Variants in FRYL observed in about 807,000 individuals in gnomAD.
FRYL encodes protein furry homolog-like.
In FRYL, 150 loss-of-function variants were observed where a neutral mutation model predicts 351.2. The ratio of observed to expected loss-of-function variants is 0.43; its 90% confidence interval spans 0.37 to 0.49. FRYL has a LOEUF of 0.49. Among genes scored for constraint, FRYL ranks in the 20% least tolerant of loss-of-function variants. The pLI, the probability that FRYL is intolerant of heterozygous loss-of-function variation, is 0.00. For synonymous variants in FRYL, 1,153 were observed against 1,257.1 expected, an observed-to-expected ratio of 0.92 and a Z score of 1.75; for missense variants, 3,036 against 3,619.3, an observed-to-expected ratio of 0.84 and a Z score of 4.13.
chr4:48,558,630 AAAAGAAC>A (rs1734683972), intron 33 of FRYL, among the ~76,000 whole-genome samples: 1 of 152,240 alleles, frequency 6.6e-6, no homozygotes, highest in Admixed American at 6.5e-5. Context: ...ATCAAAAGAT[AAAAGAAC>A]ATCTTTATAC....
chr4:48,686,241 G>C (rs1278037896), intron 2 of FRYL, among the ~76,000 whole-genome samples: 1 of 152,066 alleles, frequency 6.6e-6, no homozygotes, highest in Non-Finnish European at 1.5e-5. Context: ...CTTTAGCCAA[G>C]TTAGAAAAAT....
chr4:48,560,920 T>A (rs1453416252), intron 33 of FRYL, among the ~76,000 whole-genome samples: 1 of 152,126 alleles, frequency 6.6e-6, no homozygotes, highest in Non-Finnish European at 1.5e-5. Flanking sequence ...ACAGCAGAAC[T>A]CTGCAATCTC....
chr4:48,557,318 T>C, intron 34 of FRYL, 135 bp downstream of exon 34: 1 of 1,262,070 alleles, frequency 7.9e-7, no homozygotes. Context: ...AAAAAATTCA[T>C]ATCTAATGAG....
intron 13 of FRYL, among the ~76,000 whole-genome samples, chr4:48,600,598 G>C (rs1489369972): frequency 6.6e-6 from 1 of 152,122 alleles, no homozygotes; most frequent in African/African-American, 2.4e-5. Flanking sequence ...AATATGTTAG[G>C]TGAAACGTAT....
chr4:48,554,406 G>A lies in FRYL; in HGVS notation c.4267-1023C>T, dbSNP rs1733610729. On this transcript the variant is annotated intron_variant, in intron 35 of 63. Coordinates refer to ENST00000358350, the MANE Select transcript of FRYL (RefSeq NM_015030.2). ...CAGGCTAGAGTGCAGTGGCACCATC[G>A]TGGCTCACTGCCACCTCTGCCTCCC... Among the ~76,000 whole-genome samples, 3 of 150,986 alleles carry A rather than the reference G, an allele frequency of 2.0e-5. No individual in the cohort carries two copies. In the South Asian group the frequency reaches 6.3e-4, roughly 31 times the overall value.
At chr4:48,506,555 T>TATCA (rs932288135) in intron 59 of FRYL, 4 of 145,114 alleles carry the variant, frequency 2.8e-5, no homozygotes, top group African/African-American at 5.1e-5. Flanking sequence ...AGTTTGATAT[T>TATCA]ATCAGTTGTT....
chr4:48,529,862 T>C (rs1266164878), intron 50 of FRYL, among the ~76,000 whole-genome samples: 1 of 152,190 alleles, frequency 6.6e-6, no homozygotes, highest in African/African-American at 2.4e-5. Context: ...AAGTGAGATT[T>C]TTATTAATAT....
chr4:48,701,975 C>T (rs191255022), intron 2 of FRYL, among the ~76,000 whole-genome samples: 65 of 152,180 alleles, frequency 4.3e-4, no homozygotes, highest in Admixed American at 2.4e-3. Flanking sequence ...AAAGCTGCTT[C>T]AAACAGCAAG....
chr4:48,773,730 A>T (rs886080302), intron 1 of FRYL, among the ~76,000 whole-genome samples: 1 of 152,220 alleles, frequency 6.6e-6, no homozygotes, highest in African/African-American at 2.4e-5. Flanking sequence ...GTTCAAGATC[A>T]GCCTAGGCAA....
rs142975816 is a variant in FRYL, at chr4:48,725,700, C to T, written c.-383-15002G>A. Among the ~76,000 whole-genome samples the T allele has an allele frequency of 8.7e-4, 132 of 152,246 alleles. 2 individuals are homozygous for T. In the East Asian group the frequency reaches 0.021, roughly 24 times the overall value. On this transcript the variant is annotated intron_variant, in intron 1 of 63. Transcript: ENST00000358350. The stretch of plus-strand genomic sequence containing the variant: ...CAGTCTCAGTTATCAGATCCACTCT[C>T]GCAGTATCACAGTGCTTGTGTTCAA...
rs745588719 is a variant in FRYL, at chr4:48,609,008, A to G, written c.551T>C (p.Ile184Thr). The G allele has an allele frequency of 6.2e-6, 10 of 1,609,686 alleles. No homozygotes were observed. Among genetic ancestry groups the G allele is most frequent in the Admixed American group, 1.7e-5 (1 of 59,918 alleles). The change falls in exon 9 of 64, where the codon ATA (isoleucine) becomes ACA (threonine). Residue 184 changes from isoleucine to threonine, a missense_variant. This residue lies in a region of FRYL where 457 missense variants were observed against 566.6 expected (regional missense o/e 0.81). Coordinates refer to ENST00000358350, the MANE Select transcript of FRYL (RefSeq NM_015030.2). ...HIIADLYAEV[I>T]GVLAQSKFQA... ...TTACTTTGATTGGGCAAGAACCCCT[A>G]TCACCTCTGCATATAAATCAGCAAT...
chr4:48,723,579 C>T (rs1356941274), intron 1 of FRYL, among the ~76,000 whole-genome samples: 1 of 152,132 alleles, frequency 6.6e-6, no homozygotes, highest in Non-Finnish European at 1.5e-5. Context: ...TTCTTTCCTT[C>T]ACATCCCCAC....
chr4:48,620,389 T>G (rs969659894), intron 6 of FRYL, among the ~76,000 whole-genome samples: 2 of 152,188 alleles, frequency 1.3e-5, no homozygotes. Flanking sequence ...CTAAATAGGT[T>G]TTTGTATTAC....
At chr4:48,512,348 C>CATTT in intron 57 of FRYL, 133 bp downstream of exon 57, 1 of 634,434 alleles carries the variant, frequency 1.6e-6, no homozygotes, top group Admixed American at 3.0e-5. Context: ...GTAAGTAATA[C>CATTT]CATTAGCTTA....
At chr4:48,616,037 G>A (rs1260312741) in intron 7 of FRYL, among the ~76,000 whole-genome samples, 1 of 152,032 alleles carries the variant, frequency 6.6e-6, no homozygotes, top group Non-Finnish European at 1.5e-5. Flanking sequence ...ACACAGGGAG[G>A]GGAAGGAACA....
At chr4:48,499,863 AAAG>A (rs1449347625) in intron 63 of FRYL, among the ~76,000 whole-genome samples, 164 bp downstream of exon 63, 1 of 152,256 alleles carries the variant, frequency 6.6e-6, no homozygotes, top group Non-Finnish European at 1.5e-5. Context: ...CTGAAAGTGA[AAAG>A]AAATCTAAAA....
intron 7 of FRYL, among the ~76,000 whole-genome samples, chr4:48,616,735 T>C (rs1458394232): frequency 2.0e-5 from 3 of 152,242 alleles, no homozygotes; most frequent in Admixed American, 1.3e-4. Flanking sequence ...AGGAATATTT[T>C]ACTCGTCAAG....
intron 3 of FRYL, among the ~76,000 whole-genome samples, chr4:48,641,930 T>G (rs939249324): frequency 2.0e-5 from 3 of 152,232 alleles, no homozygotes; most frequent in Admixed American, 6.5e-5. Context: ...TCGCTTTATT[T>G]GTTCCATTTA....
At chr4:48,664,328 T>C (rs912839773) in intron 3 of FRYL, among the ~76,000 whole-genome samples, 8 of 152,212 alleles carry the variant, frequency 5.3e-5, no homozygotes, top group African/African-American at 1.9e-4. Context: ...CAATGGGCTA[T>C]TTAAATTGCT....
Sources: gnomAD v4.1 joint callset for allele counts (sites outside exome capture counted in the v4.1 genomes callset) on GRCh38, gnomAD v4.1.1 for gene constraint, gnomAD v4.1.1 regional missense constraint, MANE v1.5 for transcripts, NCBI Gene and HGNC (gene_info 2026-07-23, HGNC 2026-07-21) for gene names.